LRP1B: variants seen among roughly 807,000 people sequenced by gnomAD.
LRP1B encodes the protein low-density lipoprotein receptor-related protein 1B.
A neutral mutation model predicts 556.6 loss-of-function variants in LRP1B; 217 were observed. The ratio of observed to expected loss-of-function variants is 0.39; its 90% CI spans 0.35 to 0.44. The LOEUF is 0.44. LRP1B is among the 20% of genes least tolerant of loss of function. LRP1B has a pLI of 1.00. For missense variants in LRP1B, 5,053 were observed against 5,620.8 expected (o/e 0.90, Z 3.23); for synonymous variants, 2,047 against 1,865.8 (o/e 1.10, Z -2.50).
At chr2:141,347,271 C>G (rs1688286447) in intron 3 of LRP1B, among the ~76,000 whole-genome samples, 1 of 151,786 alleles carries the variant, frequency 6.6e-6, no homozygotes, top group African/African-American at 2.4e-5. Context: ...TATTTGTATT[C>G]TGATAATGTT....
intron 3 of LRP1B, among the ~76,000 whole-genome samples, chr2:141,446,462 C>T (rs1182264618): frequency 2.6e-5 from 4 of 152,070 alleles, no homozygotes; most frequent in Non-Finnish European, 5.9e-5. Flanking sequence ...ATGATGCTAG[C>T]TGGTTATTTG....
chr2:140,802,377 G>A (rs1690546742), intron 32 of LRP1B, among the ~76,000 whole-genome samples: 10 of 152,086 alleles, frequency 6.6e-5, no homozygotes, highest in Admixed American at 6.6e-4. Flanking sequence ...GAAAAATCTT[G>A]TTTACAGGTA....
At chr2:141,198,816 G>A (rs56264415) in intron 6 of LRP1B, among the ~76,000 whole-genome samples, 62 of 152,126 alleles carry the variant, frequency 4.1e-4, no homozygotes, top group African/African-American at 1.4e-3. Context: ...ATTCTTACTC[G>A]ATCCACAAAT....
chr2:140,999,893 G>T (rs1272273072), intron 15 of LRP1B, among the ~76,000 whole-genome samples: 2 of 151,872 alleles, frequency 1.3e-5, no homozygotes, highest in African/African-American at 4.8e-5. Flanking sequence ...TCTGGAGAAG[G>T]TGACAGGACT....
chr2:140,286,960 AC>A (rs1331982661), intron 84 of LRP1B, among the ~76,000 whole-genome samples: 2 of 151,786 alleles, frequency 1.3e-5, no homozygotes, highest in Admixed American at 6.6e-5. Context: ...TGTAACTGTC[AC>A]CTGTGATGAT....
intron 6 of LRP1B, chr2:141,207,972 GC>G (rs1360894068): frequency 6.6e-6 from 1 of 152,214 alleles, no homozygotes; most frequent in Non-Finnish European, 1.5e-5. Context: ...CGCCGTGTCC[GC>G]CTTGGGAAGC....
At chr2:141,975,508 A>G (rs1258722142) in intron 1 of LRP1B, among the ~76,000 whole-genome samples, 1 of 152,068 alleles carries the variant, frequency 6.6e-6, no homozygotes, top group East Asian at 1.9e-4. Flanking sequence ...TTGAAGGAAG[A>G]GAAAACACTG....
At chr2:142,006,047 T>C (rs1702791174) in intron 1 of LRP1B, among the ~76,000 whole-genome samples, 2 of 152,258 alleles carry the variant, frequency 1.3e-5, no homozygotes, top group Middle Eastern at 3.4e-3. Context: ...ATTTTCATTA[T>C]GAAAATTGTT....
intron 7 of LRP1B, among the ~76,000 whole-genome samples, chr2:141,114,604 GT>G (rs1700834240): frequency 6.6e-6 from 1 of 152,106 alleles, no homozygotes; most frequent in Non-Finnish European, 1.5e-5. Flanking sequence ...GGAAGTTGGG[GT>G]TTATATGAAC....
At chr2:141,941,481 GTC>G (rs1360654654) in intron 1 of LRP1B, among the ~76,000 whole-genome samples, 3 of 152,188 alleles carry the variant, frequency 2.0e-5, no homozygotes, top group Admixed American at 2.0e-4. Flanking sequence ...TGAGCCATAG[GTC>G]TTTCACCTAT....
chr2:141,517,116 AAT>A (rs1684349175), intron 2 of LRP1B, among the ~76,000 whole-genome samples: 1 of 151,842 alleles, frequency 6.6e-6, no homozygotes, highest in Non-Finnish European at 1.5e-5. Context: ...CTACAGCATA[AAT>A]ATGTCTACCC....
intron 2 of LRP1B, among the ~76,000 whole-genome samples, chr2:141,723,208 C>A (rs998434902): frequency 1.3e-5 from 2 of 151,060 alleles, no homozygotes; most frequent in African/African-American, 4.9e-5. Context: ...AGTTCATATT[C>A]CCCTGACAAG....
At chr2:141,964,354 G>A (rs929011370) in intron 1 of LRP1B, among the ~76,000 whole-genome samples, 1 of 147,132 alleles carries the variant, frequency 6.8e-6, no homozygotes, top group Non-Finnish European at 1.5e-5. Flanking sequence ...ATACTACAAG[G>A]CTACAGTAAC....
At chr2:141,655,214 A>T (rs937125237) in intron 2 of LRP1B, among the ~76,000 whole-genome samples, 2 of 152,152 alleles carry the variant, frequency 1.3e-5, no homozygotes, top group Non-Finnish European at 2.9e-5. Context: ...TCACTATTTT[A>T]TTTTGAATGG....
In LRP1B at chr2:140,238,536, T is replaced by C. The variant is rs558074481; in HGVS notation, c.13416-240A>G. Among the ~76,000 whole-genome samples the C allele has an allele frequency of 3.3e-5, 5 of 151,072 alleles. No homozygotes were observed. The South Asian group carries it at 1.0e-3, about 31-fold the overall frequency. Reference sequence around the variant, plus strand: ...ATAGCCGAAATGACATCATTTGAAATTGAATATTTACCAATCTTTTTAAAT... The same window carrying C: ...ATAGCCGAAATGACATCATTTGAAACTGAATATTTACCAATCTTTTTAAAT... On this transcript the variant is annotated intron_variant, in intron 88 of 90. Coordinates refer to ENST00000389484, the MANE Select transcript of LRP1B (RefSeq NM_018557.3).
intron 11 of LRP1B, among the ~76,000 whole-genome samples, chr2:141,034,857 G>GTA (rs1698484671): frequency 1.3e-5 from 2 of 151,546 alleles, no homozygotes; most frequent in South Asian, 4.2e-4. Context: ...CCATTACTGG[G>GTA]TATATACCCA....
At chr2:141,656,636 T>C (rs963924190) in intron 2 of LRP1B, among the ~76,000 whole-genome samples, 3 of 152,184 alleles carry the variant, frequency 2.0e-5, no homozygotes, top group Admixed American at 2.0e-4. Flanking sequence ...TTGTCTGATA[T>C]TGGGTTTAAA....
At chr2:141,716,569 G>A (rs1692602987) in intron 2 of LRP1B, among the ~76,000 whole-genome samples, 1 of 152,098 alleles carries the variant, frequency 6.6e-6, no homozygotes. Flanking sequence ...CATTTAAGTA[G>A]CAAAGTTTTA....
At chr2:140,324,996 G>T (rs970964413) in intron 80 of LRP1B, among the ~76,000 whole-genome samples, 1 of 151,294 alleles carries the variant, frequency 6.6e-6, no homozygotes, top group African/African-American at 2.4e-5. Context: ...TAAAAAAAGG[G>T]AAGCAAAGCT....
Sources: gnomAD v4.1 joint callset for allele counts (sites outside exome capture counted in the v4.1 genomes callset) on GRCh38, gnomAD v4.1.1 for gene constraint, MANE v1.5 for transcripts, NCBI Gene and HGNC (gene_info 2026-07-23, HGNC 2026-07-21) for gene names.